Variants in LVRN observed in about 807,000 individuals in gnomAD.
LVRN encodes the protein laeverin, also known as aminopeptidase Q.
A neutral mutation model predicts 111.4 loss-of-function variants in LVRN; 99 were observed. The observed-to-expected ratio is 0.89, with a 90% CI of 0.76 to 1.05. The LOEUF is 1.05. LVRN is among the 50% of genes least tolerant of loss of function. The pLI, the probability that LVRN is intolerant of heterozygous loss-of-function variation, is 0.00. For missense variants in LVRN, 1,414 were observed against 1,206.8 expected (o/e 1.17, Z -2.54); for synonymous variants, 488 against 449.5 (o/e 1.09, Z -1.08).
Position 116,011,155 on chromosome 5 carries a change from C to G in LVRN, c.2247+261C>G, listed in dbSNP as rs17138649. Among the ~76,000 whole-genome samples, 8,406 of 150,134 alleles carry G rather than the reference C, an allele frequency of 0.056. 419 individuals are homozygous for G. Among genetic ancestry groups the G allele is most frequent in the East Asian group, 0.24 (1,235 of 5,100 alleles). On this transcript the variant is annotated intron_variant, in intron 14 of 19. Transcript: ENST00000357872. ...ATTCTTGGTGAAGTGACAGTATGTC[C>G]TAAGAAACCAGAAGTGGATGGAAAT...
intron 6 of LVRN, among the ~76,000 whole-genome samples, chr5:115,999,355 T>C (rs996371913): frequency 2.0e-5 from 3 of 152,136 alleles, no homozygotes; most frequent in Non-Finnish European, 4.4e-5. Context: ...GGCATGCTTT[T>C]GGTTTGTAAA....
intron 1 of LVRN, among the ~76,000 whole-genome samples, chr5:115,973,339 A>T (rs1178857480): frequency 6.6e-6 from 1 of 152,192 alleles, no homozygotes; most frequent in East Asian, 1.9e-4. Context: ...CTCTATGTTC[A>T]TGAGAGTTAT....
At chr5:116,015,827 C>G in intron 18 of LVRN, 62 bp downstream of exon 18, 1 of 1,583,862 alleles carries the variant, frequency 6.3e-7, no homozygotes, top group African/African-American at 1.4e-5. Context: ...GGAAGCTCAG[C>G]TTTAGTCTAG....
intron 13 of LVRN, among the ~76,000 whole-genome samples, chr5:116,009,586 AT>A (rs1748445270): frequency 6.6e-6 from 1 of 152,202 alleles, no homozygotes; most frequent in Non-Finnish European, 1.5e-5. Flanking sequence ...GGTAAAAAAA[AT>A]CAATATAAAC....
chr5:115,992,242 A>T lies in LVRN; in HGVS notation c.1225A>T (p.Ile409Phe). Residue 409 changes from isoleucine to phenylalanine, a missense_variant, in exon 5 of 20, where the codon ATC becomes TTC. Physicochemically the swap from Ile to Phe is conservative, Grantham distance 21. Transcript: ENST00000357872. The stretch of plus-strand genomic sequence containing the variant: ...TCAACTGACAGAAAAAAAGACTCTG[A>T]TCTCCTATGTTGTCTCCCACGAGAT... Reference protein sequence around the residue: ...KDQLTEKKTLISYVVSHEIGH... With the variant: ...KDQLTEKKTLFSYVVSHEIGH... 6.2e-7 allele frequency: 1 copy of T among 1,613,944 alleles called. No homozygotes were observed. Among genetic ancestry groups the T allele is most frequent in the Non-Finnish European group, 8.5e-7 (1 of 1,179,902 alleles).
At position 115,984,725 on chromosome 5, in the gene LVRN, T is replaced by C. The variant is rs779898106; in HGVS notation, c.978+16T>C. The C allele has an allele frequency of 3.1e-6, 5 of 1,613,078 alleles. No homozygotes were observed. The highest frequency in any genetic ancestry group is 4.2e-6 in the Non-Finnish European group (5 of 1,179,486). ...GGGCAAGGAGGTGAGTGAGGAAGAT[T>C]CTGTAGGTAAGGGAGATTGTACTGG... On this transcript the variant is annotated intron_variant, in intron 3 of 19. Transcript: ENST00000357872.
Position 116,001,027 on chromosome 5 carries a change from G to A in LVRN, c.1648-40G>A, listed in dbSNP as rs200997770. The stretch of plus-strand genomic sequence containing the variant: ...AGATTGCTACTTCAAAATGTTTCAC[G>A]GATAACCTTACCTGCCTTTGTGGTG... On this transcript the variant is annotated intron_variant, in intron 9 of 19. Transcript: ENST00000357872. The A allele has an allele frequency of 3.3e-5, 51 of 1,555,356 alleles. No individual in the cohort carries two copies. The East Asian group carries it at 4.3e-4, about 13-fold the overall frequency.
chr5:116,024,116 C>G lies in LVRN; in HGVS notation c.2832+1650C>G, dbSNP rs539015269. Among the ~76,000 whole-genome samples, 11 of 152,170 alleles carry G rather than the reference C, an allele frequency of 7.2e-5. No homozygotes were observed. The East Asian group carries it at 1.9e-3, about 27-fold the overall frequency. ...CAGAGAGAGATGGACTGCAAGGACC[C>G]TTTTTTGGGTAGAAGAAATGTACTT... On this transcript the variant is annotated intron_variant, in intron 19 of 19. Transcript: ENST00000357872.
At chr5:115,988,219 C>T (rs190769025) in intron 4 of LVRN, among the ~76,000 whole-genome samples, 61 of 152,328 alleles carry the variant, frequency 4.0e-4, no homozygotes, top group African/African-American at 1.3e-3. Context: ...CCTCTAGACC[C>T]TACTTTCTCT....
intron 6 of LVRN, among the ~76,000 whole-genome samples, chr5:115,995,129 T>C (rs1352571561): frequency 6.6e-6 from 1 of 152,242 alleles, no homozygotes; most frequent in Non-Finnish European, 1.5e-5. Flanking sequence ...AGGCTAAATC[T>C]ATTCATTCTG....
intron 1 of LVRN, among the ~76,000 whole-genome samples, chr5:115,979,080 G>A (rs1753508858): frequency 6.6e-6 from 1 of 152,034 alleles, no homozygotes; most frequent in Admixed American, 6.6e-5. Flanking sequence ...CCTCCAGGTG[G>A]CTCTACTGGA....
Position 115,962,647 on chromosome 5 carries a change from T to C in LVRN, c.30T>C (p.Tyr10=). The part of the protein sequence containing the change: MGPPSSSGF[Y]VSRAVALLLA... ...GGCCCCCTTCCAGCTCAGGCTTCTA[T>C]GTGAGCCGCGCAGTGGCCCTGCTGC... Residue 10 remains tyrosine, a synonymous_variant, in exon 1 of 20, where the codon TAT becomes TAC. Transcript: ENST00000357872. 1.2e-6 allele frequency: 2 copies of C among 1,606,622 alleles called. No individual in the cohort carries two copies. The highest frequency in any genetic ancestry group is 1.7e-6 in the Non-Finnish European group (2 of 1,178,182).
At position 115,976,669 on chromosome 5, in the gene LVRN, C is replaced by T. The variant is rs114207244; in HGVS notation, c.696-6618C>T. ...GGAAGTTCAGAATACTTTCTAATTT[C>T]CATTTGGATTTTATCTTTGACTCCT... On this transcript the variant is annotated intron_variant, in intron 1 of 19. Transcript: ENST00000357872. Among the ~76,000 whole-genome samples the T allele has an allele frequency of 7.0e-3, 1,063 of 152,160 alleles. 10 individuals carry two copies. The highest frequency in any genetic ancestry group is 0.024 in the African/African-American group (1,016 of 41,502).
intron 14 of LVRN, among the ~76,000 whole-genome samples, chr5:116,011,666 A>G (rs1187663965): frequency 1.3e-5 from 2 of 152,148 alleles, no homozygotes; most frequent in Non-Finnish European, 2.9e-5. Context: ...CGAAGTACCA[A>G]TGGGAATTAA....
At position 116,027,171 on chromosome 5, in the gene LVRN, A is replaced by C. The variant is rs1322597941; in HGVS notation, c.*1053A>C. 1 of 152,220 alleles carries C rather than the reference A, an allele frequency of 6.6e-6. No individual in the cohort carries two copies. Among genetic ancestry groups the C allele is most frequent in the Non-Finnish European group, 1.5e-5 (1 of 68,028 alleles). The allele number at this position is 152,220 out of a possible 1,614,324, so 9.4% of individuals were successfully genotyped here. On this transcript the variant is annotated 3_prime_UTR_variant, in exon 20 of 20. Transcript: ENST00000357872. The stretch of plus-strand genomic sequence containing the variant: ...TAGTTTTCTCATGCTTGATTAAAAC[A>C]AGACAACTAAAGCTAATCATTCCTC...
Position 116,026,118 on chromosome 5 carries a change from G to C in LVRN, c.2973G>C (p.Ter991TyrextTer13). 1 of 1,613,658 alleles carries C rather than the reference G, an allele frequency of 6.2e-7. No individual in the cohort carries two copies. Among genetic ancestry groups the C allele is most frequent in the Non-Finnish European group, 8.5e-7 (1 of 1,179,750 alleles). Reference protein sequence around the residue: ...RIAAWLRRNT* With the variant: ...RIAAWLRRNTY ...CTGCGTGGCTAAGGAGAAACACATA[G>C]CTTGTGGCTATCTTTCAGCACTCCT... is the stretch of plus-strand genomic sequence containing the variant. Residue 991 changes from the stop codon to tyrosine, a stop_lost, in exon 20 of 20, where the codon TAG (stop) becomes TAC (tyrosine). Coordinates refer to ENST00000357872, the MANE Select transcript of LVRN (RefSeq NM_173800.5).
Position 116,010,757 on chromosome 5 carries a change from A to G in LVRN, c.2110A>G (p.Ile704Val), listed in dbSNP as rs754243007. 4 of 1,599,480 alleles carry G rather than the reference A, an allele frequency of 2.5e-6. No individual in the cohort carries two copies. In the South Asian group the frequency reaches 4.5e-5, roughly 18 times the overall value. Residue 704 changes from isoleucine (I) to valine (V), a missense_variant, in exon 14 of 20, where the codon ATT becomes GTT. Ile to Val is a conservative substitution (Grantham distance 29). Transcript: ENST00000357872. ...ATCAAACAGAAACAATTATATTGAG[A>G]TTGAAACAGCACTTGAGTTAACCAA... ...FSLSKNNYIE[I>V]ETALELTKYL...
At chr5:116,022,498 A>T in intron 19 of LVRN, 32 bp downstream of exon 19, 2 of 1,433,092 alleles carry the variant, frequency 1.4e-6, no homozygotes, top group Non-Finnish European at 1.9e-6. Context: ...AAATACAATG[A>T]TAATTTGGAA....
intron 1 of LVRN, chr5:115,975,213 C>A (rs1580377942): frequency 2.1e-6 from 1 of 483,284 alleles, no homozygotes; most frequent in Non-Finnish European, 4.1e-6. Flanking sequence ...CTAACAAAAT[C>A]TTCATTATCT....
Sources: allele counts gnomAD v4.1 joint callset (sites outside exome capture counted in the v4.1 genomes callset), GRCh38; gene constraint gnomAD v4.1.1; transcripts MANE v1.5; gene names NCBI Gene and HGNC (gene_info 2026-07-23, HGNC 2026-07-21).